Variants in GPI observed in about 807,000 individuals in gnomAD.
GPI encodes the protein D-hexose-6-phosphate anomerase.
In GPI, 56 loss-of-function variants were observed where a neutral mutation model predicts 75.8. The ratio of observed to expected loss-of-function variants is 0.74; its 90% CI spans 0.60 to 0.92. The LOEUF (loss-of-function observed/expected upper bound fraction) is 0.92, where lower values mean the gene tolerates loss of function less well. Among genes scored for constraint, GPI ranks in the 40% least tolerant of loss-of-function variants. The pLI, the probability that GPI is intolerant of heterozygous loss-of-function variation, is 0.00. For missense variants in GPI, 638 were observed against 741.0 expected (o/e 0.86, Z 1.61); for synonymous variants, 288 against 285.4 (o/e 1.01, Z -0.09).
intron 5 of GPI, 57 bp downstream of exon 5, chr19:34,377,643 C>T: frequency 6.3e-7 from 1 of 1,583,854 alleles, no homozygotes; most frequent in Non-Finnish European, 8.7e-7. Context: ...TGGTCCCACT[C>T]AGGTCTTTAC....
intron 14 of GPI, chr19:34,398,278 C>T (rs953429123): frequency 1.3e-5 from 2 of 152,120 alleles, no homozygotes; most frequent in African/African-American, 4.8e-5. Context: ...TGCCCTCGAA[C>T]TCCTTCAGAG....
intron 3 of GPI, 99 bp from the exon 4 acceptor site, chr19:34,368,484 T>G: frequency 1.5e-6 from 2 of 1,322,076 alleles, no homozygotes; most frequent in South Asian, 2.4e-5. Context: ...CCTGCCTGTC[T>G]AGTGGATAGA....
At chr19:34,371,289 T>C (rs2074448186) in intron 4 of GPI, among the ~76,000 whole-genome samples, 2 of 152,208 alleles carry the variant, frequency 1.3e-5, no homozygotes, top group African/African-American at 4.8e-5. Context: ...TTTGCCAAGA[T>C]TGGGTGAAGA....
intron 1 of GPI, 65 bp downstream of exon 1, chr19:34,365,453 G>T: frequency 6.6e-7 from 1 of 1,513,760 alleles, no homozygotes; most frequent in South Asian, 1.2e-5. Flanking sequence ...GCGGGCCTGG[G>T]GTCTGGAGGC....
rs2074983230 is a variant in GPI, at chr19:34,398,989, G to A, written c.1270-218G>A. ...CAAAGTGTCGGGATTACAGGCGTGA[G>A]CCACCGCGCCTGGCCACTGGTGTGT... On this transcript the variant is annotated intron_variant, in intron 14 of 17. Transcript: ENST00000356487. 3 of 441,580 alleles carry A rather than the reference G, an allele frequency of 6.8e-6. No homozygotes were observed. The South Asian group carries it at 6.9e-5, about 10-fold the overall frequency. 27.4% of individuals were successfully genotyped at this position (441,580 alleles called of 1,614,324 possible). A position where few individuals can be genotyped will look rare whatever the true frequency, so the allele number is the denominator to read the frequency against.
intron 4 of GPI, among the ~76,000 whole-genome samples, chr19:34,369,449 G>C (rs2074417441): frequency 6.6e-6 from 1 of 152,134 alleles, no homozygotes; most frequent in Non-Finnish European, 1.5e-5. Context: ...GCTCATGCCT[G>C]TGATTCCTGA....
upstream of GPI, among the ~76,000 whole-genome samples, chr19:34,361,233 G>A (rs1261326196): frequency 6.6e-6 from 1 of 152,082 alleles, no homozygotes; most frequent in Non-Finnish European, 1.5e-5. Flanking sequence ...TGGGATTACA[G>A]GTGCCCGCCA....
chr19:34,402,169 AAAAT>A lies in GPI; in HGVS notation c.*2138_*2141del, dbSNP rs2075032008. On this transcript the variant is annotated 3_prime_UTR_variant, in exon 18 of 18. Transcript: ENST00000356487. Reference sequence around the variant, plus strand: ...AAAAAAAAAAAAATAAGAAAAATAAAAAATAAATTTTTGTAGTGATAGGATCCCA... The same window carrying A: ...AAAAAAAAAAAAATAAGAAAAATAAAAAATTTTTGTAGTGATAGGATCCCA... The A allele has an allele frequency of 6.6e-6, 1 of 152,094 alleles. No homozygotes were observed. Among genetic ancestry groups the A allele is most frequent in the Non-Finnish European group, 1.5e-5 (1 of 68,022 alleles). 9.4% of individuals were successfully genotyped at this position (152,094 alleles called of 1,614,324 possible). A position where few individuals can be genotyped will look rare whatever the true frequency, so the allele number is the denominator to read the frequency against.
chr19:34,362,490 C>T (rs570504843), upstream of GPI, among the ~76,000 whole-genome samples: 13 of 152,110 alleles, frequency 8.5e-5, no homozygotes, highest in Admixed American at 2.0e-4. Flanking sequence ...CTGCCTCTTT[C>T]GCAATACCCA....
upstream of GPI, among the ~76,000 whole-genome samples, chr19:34,360,944 A>C (rs2074297933): frequency 6.6e-6 from 1 of 151,316 alleles, no homozygotes; most frequent in African/African-American, 2.4e-5. Flanking sequence ...CGCCTGGCTA[A>C]TTTTTGTAAT....
rs370082878 is a variant in GPI at position 34,396,695 on chromosome 19, C to T, written c.1269+38C>T. 5.9e-6 allele frequency: 9 copies of T among 1,537,118 alleles called. No individual in the cohort carries two copies. The Admixed American group carries it at 1.5e-4, about 26-fold the overall frequency. Reference sequence around the variant, plus strand: ...ATCTGGCCCCATCTGGGGGGTCTGGCTCACATTGCACCCAGACCTCTGAAA... The same window carrying T: ...ATCTGGCCCCATCTGGGGGGTCTGGTTCACATTGCACCCAGACCTCTGAAA... On this transcript the variant is annotated intron_variant, in intron 14 of 17. Transcript: ENST00000356487.
At position 34,400,676 on chromosome 19, in the gene GPI, TCTC is replaced by T; in HGVS notation, c.*643_*645del. On this transcript the variant is annotated 3_prime_UTR_variant, in exon 18 of 18. Coordinates refer to ENST00000356487, the MANE Select transcript of GPI (RefSeq NM_000175.5). ...TGGACAAGACCGAGGATGACTGCCA[TCTC>T]CTGGCAAGACGCTCAGGTAGTTCTT... The T allele has an allele frequency of 2.0e-5, 8 of 403,438 alleles. No individual in the cohort carries two copies. Among genetic ancestry groups the T allele is most frequent in the Non-Finnish European group, 3.1e-5 (7 of 229,008 alleles). 25.0% of individuals were successfully genotyped at this position (403,438 alleles called of 1,614,324 possible).
In GPI at chr19:34,393,411, G is replaced by A. The variant is rs971569828; in HGVS notation, c.865+103G>A. 4 of 927,852 alleles carry A rather than the reference G, an allele frequency of 4.3e-6. No individual in the cohort carries two copies. In the African/African-American group the frequency reaches 4.8e-5, roughly 11 times the overall value. 57.5% of individuals were successfully genotyped at this position (927,852 alleles called of 1,614,324 possible). ...CCTGAACATCATGCTGTCCTCACAG[G>A]CTGCTGGCCTCTCTGCAGCTGGCTG... On this transcript the variant is annotated intron_variant, in intron 10 of 17. Coordinates refer to ENST00000356487, the MANE Select transcript of GPI (RefSeq NM_000175.5). This position sits in a 1 kb window ranked among gnomAD's most constrained non-coding sequence, Gnocchi z 4.4.
chr19:34,382,499 A>T (rs754136290), intron 9 of GPI, among the ~76,000 whole-genome samples: 2 of 152,140 alleles, frequency 1.3e-5, no homozygotes, highest in Non-Finnish European at 2.9e-5. Flanking sequence ...GGAAGAATTG[A>T]CGAGAATCAC....
Position 34,365,222 on chromosome 19 carries a change from TCCTC to T in GPI, c.-43_-40del, listed in dbSNP as rs758060545. 2 of 1,439,098 alleles carry T rather than the reference TCCTC, an allele frequency of 1.4e-6. No homozygotes were observed. Among genetic ancestry groups the T allele is most frequent in the South Asian group, 3.0e-5 (2 of 65,696 alleles). The allele number at this position is 1,439,098 out of a possible 1,614,324, so 89.1% of individuals were successfully genotyped here. The stretch of plus-strand genomic sequence containing the variant: ...CTTGCTGCGCGCTGCCGGCGCTCCT[TCCTC>T]CTCGGCTCGCGTCTCACTCAGTGTA... On this transcript the variant is annotated 5_prime_UTR_variant, in exon 1 of 18. Transcript: ENST00000356487.
At chr19:34,366,630 T>C (rs905934208) in intron 2 of GPI, among the ~76,000 whole-genome samples, 153 bp from the exon 3 acceptor site, 12 of 152,126 alleles carry the variant, frequency 7.9e-5, no homozygotes, top group African/African-American at 2.9e-4. Context: ...GTGTCTGATG[T>C]CTGAGTAGAC....
At chr19:34,377,925 TG>T in intron 6 of GPI, 44 bp downstream of exon 6, 1 of 1,607,660 alleles carries the variant, frequency 6.2e-7, no homozygotes, top group Middle Eastern at 1.7e-4. Context: ...CTGTGTGTGT[TG>T]GGGTGGGGAG....
chr19:34,387,149 C>T (rs1017500059), intron 9 of GPI, among the ~76,000 whole-genome samples: 3 of 152,150 alleles, frequency 2.0e-5, no homozygotes, highest in African/African-American at 4.8e-5. Flanking sequence ...TTATGTGAAG[C>T]CTGGTCTATC....
upstream of GPI, chr19:34,364,918 T>C (rs766730145): frequency 2.0e-6 from 3 of 1,481,522 alleles, no homozygotes; most frequent in South Asian, 1.2e-5. Flanking sequence ...CGATGGTAGC[T>C]CTCTGCAGCC....
Sources: gnomAD v4.1 joint callset for allele counts (sites outside exome capture counted in the v4.1 genomes callset) on GRCh38, gnomAD v4.1.1 for gene constraint, Gnocchi (gnomAD v3.1) non-coding constraint, MANE v1.5 for transcripts, NCBI Gene and HGNC (gene_info 2026-07-23, HGNC 2026-07-21) for gene names.